BAG3: variants seen among roughly 807,000 people sequenced by gnomAD.
BAG3 encodes BAG cochaperone 3, also known as BAG family molecular chaperone regulator 3.
A neutral mutation model predicts 40.5 loss-of-function variants in BAG3; 14 were observed. The observed-to-expected ratio is 0.35, with a 90% CI of 0.23 to 0.54. The LOEUF (loss-of-function observed/expected upper bound fraction) is 0.54, where lower values mean the gene tolerates loss of function less well. Among genes scored for constraint, BAG3 ranks in the 20% least tolerant of loss-of-function variants. The pLI is 0.91. For synonymous variants in BAG3, 302 were observed against 307.8 expected (o/e 0.98, Z 0.20); for missense variants, 788 against 758.6 (o/e 1.04, Z -0.46).
At chr10:119,653,244 G>T (rs1036700136) in intron 1 of BAG3, among the ~76,000 whole-genome samples, 4 of 152,182 alleles carry the variant, frequency 2.6e-5, no homozygotes, top group Admixed American at 6.5e-5. Context: ...AATTAGCTGG[G>T]ATGGGCACAG....
intron 3 of BAG3, among the ~76,000 whole-genome samples, 180 bp from the exon 4 acceptor site, chr10:119,676,284 A>G (rs568419748): frequency 6.6e-6 from 1 of 152,268 alleles, no homozygotes; most frequent in East Asian, 1.9e-4. Context: ...GGTTACATAC[A>G]TGATTAATAC....
intron 1 of BAG3, among the ~76,000 whole-genome samples, chr10:119,660,079 G>A (rs1846971827): frequency 6.6e-6 from 1 of 152,224 alleles, no homozygotes; most frequent in African/African-American, 2.4e-5. Context: ...GCTGACTCAG[G>A]TGCCCCCAGC....
At chr10:119,662,038 C>CTTTTTT (rs1229570999) in intron 1 of BAG3, among the ~76,000 whole-genome samples, 1 of 151,916 alleles carries the variant, frequency 6.6e-6, no homozygotes, top group African/African-American at 2.4e-5. Flanking sequence ...TCCAGTTGCA[C>CTTTTTT]TTTGTTTTTT....
At position 119,672,284 on chromosome 10, in the gene BAG3, C is replaced by G. The variant is rs1564774433; in HGVS notation, c.537C>G (p.Cys179Trp). Reference protein sequence around the residue: ...ERSQSPAASDCSSSSSSASLP... With the variant: ...ERSQSPAASDWSSSSSSASLP... ...CCCAGTCTCCAGCTGCCTCTGACTG[C>G]TCATCCTCATCCTCCTCGGCCAGCC... The change falls in exon 3 of 4, where the codon TGC becomes TGG. Residue 179 changes from cysteine to tryptophan, a missense_variant. Transcript: ENST00000369085. This position sits in a 1 kb window ranked among gnomAD's most constrained non-coding sequence, Gnocchi z 4.8. 6.2e-7 allele frequency: 1 copy of G among 1,613,858 alleles called. No homozygotes were observed. The highest frequency in any genetic ancestry group is 8.5e-7 in the Non-Finnish European group (1 of 1,180,024).
chr10:119,663,779 TC>T (rs1847023344), intron 1 of BAG3, among the ~76,000 whole-genome samples: 1 of 152,086 alleles, frequency 6.6e-6, no homozygotes, highest in Non-Finnish European at 1.5e-5. Context: ...ACTTTGGAAA[TC>T]AGGCCACGCA....
At chr10:119,655,344 A>G (rs1170320415) in intron 1 of BAG3, among the ~76,000 whole-genome samples, 4 of 152,122 alleles carry the variant, frequency 2.6e-5, no homozygotes, top group African/African-American at 9.7e-5. Context: ...AGCAAGCCAG[A>G]GCCTTTTCTT....
At chr10:119,662,419 A>G (rs929286588) in intron 1 of BAG3, among the ~76,000 whole-genome samples, 12 of 151,832 alleles carry the variant, frequency 7.9e-5, no homozygotes, top group Non-Finnish European at 1.2e-4. Context: ...TGCCTGATGG[A>G]GGCGAGCCAG....
intron 1 of BAG3, among the ~76,000 whole-genome samples, chr10:119,661,359 C>T (rs1399517100): frequency 1.3e-5 from 2 of 152,286 alleles, no homozygotes; most frequent in East Asian, 1.9e-4. Context: ...TACCTTATTT[C>T]ACTTAACTCT....
chr10:119,665,100 G>C (rs1451895059), intron 1 of BAG3, among the ~76,000 whole-genome samples: 2 of 71,500 alleles, frequency 2.8e-5, no homozygotes, highest in Non-Finnish European at 6.3e-5. Context: ...GTTTGTGTGT[G>C]TGTGTGTGTG....
At chr10:119,666,397 G>A (rs1030267324) in intron 1 of BAG3, among the ~76,000 whole-genome samples, 4 of 152,100 alleles carry the variant, frequency 2.6e-5, no homozygotes, top group African/African-American at 9.7e-5. Context: ...TTCCTTCCCC[G>A]TGGACCAAGC....
Position 119,677,535 on chromosome 10 carries a change from C to G in BAG3, c.*253C>G, listed in dbSNP as rs1424434561. The G allele has an allele frequency of 3.2e-5, 18 of 564,524 alleles. 1 individual carries two copies. Among genetic ancestry groups the G allele is most frequent in the Admixed American group, 2.4e-4 (8 of 33,726 alleles). 35.0% of individuals were successfully genotyped at this position (564,524 alleles called of 1,614,324 possible). A position where few individuals can be genotyped will look rare whatever the true frequency, so the allele number is the denominator to read the frequency against. ...ACCCCGTTGCTTGTTGTTCTGCAGC[C>G]CTGTCTACTTGGGCACCCCCACCAC... On this transcript the variant is annotated 3_prime_UTR_variant, in exon 4 of 4. Coordinates refer to ENST00000369085, the MANE Select transcript of BAG3 (RefSeq NM_004281.4).
At chr10:119,662,357 C>T (rs1402294282) in intron 1 of BAG3, among the ~76,000 whole-genome samples, 2 of 151,786 alleles carry the variant, frequency 1.3e-5, no homozygotes, top group Non-Finnish European at 2.9e-5. Context: ...GTGTAAGCCA[C>T]CACGCCCAGT....
chr10:119,660,204 C>T (rs998593465), intron 1 of BAG3, among the ~76,000 whole-genome samples: 8 of 152,198 alleles, frequency 5.3e-5, no homozygotes, highest in Admixed American at 1.3e-4. Flanking sequence ...TGCTCCCAGG[C>T]GGACCCTTCT....
At chr10:119,665,565 C>T (rs572215369) in intron 1 of BAG3, among the ~76,000 whole-genome samples, 27 of 152,230 alleles carry the variant, frequency 1.8e-4, no homozygotes, top group African/African-American at 6.0e-4. Context: ...AGGTGTGAGC[C>T]ACCACGCCTG....
chr10:119,667,950 A>G (rs1404779144), intron 1 of BAG3, among the ~76,000 whole-genome samples: 6 of 152,258 alleles, frequency 3.9e-5, no homozygotes, highest in Non-Finnish European at 8.8e-5. Context: ...CTCAACACTG[A>G]GTAGCAGAGG....
rs1412395010 is a variant in BAG3 at position 119,651,720 on chromosome 10, C to T, written c.45C>T (p.Gly15=). Residue 15 remains glycine (G), a synonymous_variant, in exon 1 of 4, where the codon GGC becomes GGT. Coordinates refer to ENST00000369085, the MANE Select transcript of BAG3 (RefSeq NM_004281.4). ...CGCCCATGATGCAGGTGGCGTCCGG[C>T]AACGGTGACCGCGACCCTTTGCCCC... is the stretch of plus-strand genomic sequence containing the variant. ...THSPMMQVAS[G]NGDRDPLPPG... is the part of the protein sequence containing the mutation. 1.9e-6 allele frequency: 3 copies of T among 1,596,142 alleles called. No homozygotes were observed. The highest frequency in any genetic ancestry group is 2.3e-5 in the South Asian group (2 of 88,878).
At position 119,676,060 on chromosome 10, in the gene BAG3, G is replaced by A. The variant is rs574799546; in HGVS notation, c.910-404G>A. Among the ~76,000 whole-genome samples, 8 of 149,576 alleles carry A rather than the reference G, an allele frequency of 5.3e-5. No homozygotes were observed. In the South Asian group the frequency reaches 1.7e-3, roughly 33 times the overall value. On this transcript the variant is annotated intron_variant, in intron 3 of 3. Transcript: ENST00000369085. ...TCCGCCTCAGCCTTCTGAGTAGCTG[G>A]GACTACGAGTGCAAGCTCCCACACC...
At position 119,677,359 on chromosome 10, in the gene BAG3, T is replaced by C; in HGVS notation, c.*77T>C. The C allele has an allele frequency of 1.3e-6, 2 of 1,579,954 alleles. No individual in the cohort carries two copies. The highest frequency in any genetic ancestry group is 2.3e-5 in the East Asian group (1 of 43,760). The stretch of plus-strand genomic sequence containing the variant: ...TTAAGTTGCATGCATTTCAGAGACT[T>C]TAAGTCAGTTGGTTTTTATTAGCTG... On this transcript the variant is annotated 3_prime_UTR_variant, in exon 4 of 4. Coordinates refer to ENST00000369085, the MANE Select transcript of BAG3 (RefSeq NM_004281.4).
chr10:119,677,462 T>C lies in BAG3; in HGVS notation c.*180T>C. 1.3e-6 allele frequency: 1 copy of C among 768,662 alleles called. No homozygotes were observed. The highest frequency in any genetic ancestry group is 3.7e-4 in the Middle Eastern group (1 of 2,700). The allele number at this position is 768,662 out of a possible 1,614,324, so 47.6% of individuals were successfully genotyped here. The stretch of plus-strand genomic sequence containing the variant: ...AGGAAAATGATGCTTTTCTTCTATA[T>C]TCTTACTCTGTACAAATAAAGAAGT... On this transcript the variant is annotated 3_prime_UTR_variant, in exon 4 of 4. Transcript: ENST00000369085.
Sources: allele counts gnomAD v4.1 joint callset (sites outside exome capture counted in the v4.1 genomes callset), GRCh38; gene constraint gnomAD v4.1.1; non-coding constraint Gnocchi (gnomAD v3.1); transcripts MANE v1.5; gene names NCBI Gene and HGNC (gene_info 2026-07-23, HGNC 2026-07-21).